The following MCU variants were observed in gnomAD, a reference collection of about 807,000 sequenced individuals.
The protein encoded by MCU is mitochondrial calcium uniporter.
A neutral mutation model predicts 45.2 loss-of-function variants in MCU; 12 were observed. The ratio of observed to expected loss-of-function variants is 0.27; its 90% CI spans 0.17 to 0.43. MCU has a LOEUF of 0.43. Ranked by LOEUF, MCU falls within the 20% of genes least tolerant of loss-of-function variation. The pLI is 1.00. For synonymous variants in MCU, 160 were observed against 165.1 expected (o/e 0.97, Z 0.24); for missense variants, 324 against 436.7 (o/e 0.74, Z 2.30).
intron 1 of MCU, among the ~76,000 whole-genome samples, chr10:72,704,265 G>A (rs1349358353): frequency 6.6e-6 from 1 of 152,092 alleles, no homozygotes; most frequent in Non-Finnish European, 1.5e-5. Flanking sequence ...AGAGAAGAGA[G>A]ATTTAAGAAG....
intron 1 of MCU, among the ~76,000 whole-genome samples, chr10:72,790,350 C>T (rs1844140338): frequency 6.6e-6 from 1 of 152,192 alleles, no homozygotes; most frequent in African/African-American, 2.4e-5. Flanking sequence ...AGTGCCTTCC[C>T]TCTTCCTTCT....
chr10:72,874,568 T>C (rs1845592200), intron 6 of MCU, among the ~76,000 whole-genome samples: 1 of 152,192 alleles, frequency 6.6e-6, no homozygotes, highest in South Asian at 2.1e-4. Flanking sequence ...AGAATGTTAT[T>C]TAACTTTTCT....
At position 72,834,502 on chromosome 10, in the gene MCU, A is replaced by G; in HGVS notation, c.220+74A>G. The G allele has an allele frequency of 1.6e-6, 2 of 1,289,026 alleles. 1 individual carries two copies. Among genetic ancestry groups the G allele is most frequent in the South Asian group, 2.6e-5 (2 of 77,626 alleles). 79.8% of individuals were successfully genotyped at this position (1,289,026 alleles called of 1,614,324 possible). On this transcript the variant is annotated intron_variant, in intron 2 of 7. Coordinates refer to ENST00000373053, the MANE Select transcript of MCU (RefSeq NM_138357.3). Reference sequence around the variant, plus strand: ...AGCTCAGTGTTTCCTATTCTCTGACACAAAAATTTATAAACCATACTCTTT... The same window carrying G: ...AGCTCAGTGTTTCCTATTCTCTGACGCAAAAATTTATAAACCATACTCTTT...
rs983828355 is a variant in MCU at position 72,834,413 on chromosome 10, G to T, written c.205G>T (p.Val69Phe). 1 of 1,613,616 alleles carries T rather than the reference G, an allele frequency of 6.2e-7. No individual in the cohort carries two copies. The highest frequency in any genetic ancestry group is 1.3e-5 in the African/African-American group (1 of 75,036). ...QNLGAVYCST[V>F]VPSDDVTVVY... is the part of the protein sequence containing the mutation. ...TTTGGGAGCTGTTTATTGCAGCACT[G>T]TTGTGCCCTCTGATGGTGAGTTTCA... Residue 69 changes from valine to phenylalanine, a missense_variant, in exon 2 of 8, where the codon GTT (valine) becomes TTT (phenylalanine). Coordinates refer to ENST00000373053, the MANE Select transcript of MCU (RefSeq NM_138357.3).
intron 1 of MCU, among the ~76,000 whole-genome samples, chr10:72,753,385 A>G (rs1040070885): frequency 1.3e-5 from 2 of 152,226 alleles, no homozygotes; most frequent in Admixed American, 6.5e-5. Flanking sequence ...ATTGTACAAT[A>G]TAGTTTATAA....
rs762108402 is a variant in MCU at position 72,868,857 on chromosome 10, G to A, written c.651G>A (p.Leu217=). The part of the protein sequence containing the change: ...LEDLKEQLAP[L]EKVRIEISRK... ...ATCTCAAAGAGCAGCTGGCTCCCCT[G>A]GAAAAGGTAAAACTTCCAATCTCAG... is the stretch of plus-strand genomic sequence containing the variant. The change falls in exon 5 of 8, where the codon CTG becomes CTA. Residue 217 remains leucine (L), a synonymous_variant. Transcript: ENST00000373053. The A allele has an allele frequency of 1.2e-6, 2 of 1,612,734 alleles. No individual in the cohort carries two copies. The highest frequency in any genetic ancestry group is 1.7e-6 in the Non-Finnish European group (2 of 1,179,596).
At chr10:72,751,341 C>CTTCTTTTTTTTTTTTTTTTTTTTTT (rs1474252109) in intron 1 of MCU, among the ~76,000 whole-genome samples, 3 of 44,742 alleles carry the variant, frequency 6.7e-5, no homozygotes, top group African/African-American at 2.5e-4. Context: ...TCTTCTTCTT[C>CTTCTTTTTTTTTTTTTTTTTTTTTT]TTTTTTTTTT....
At chr10:72,826,563 A>G (rs1205386200) in intron 1 of MCU, among the ~76,000 whole-genome samples, 1 of 152,222 alleles carries the variant, frequency 6.6e-6, no homozygotes, top group Admixed American at 6.5e-5. Context: ...GGAAATATGA[A>G]TTCAGGTGAT....
chr10:72,875,096 A>G (rs940482076), intron 6 of MCU, among the ~76,000 whole-genome samples: 1 of 152,198 alleles, frequency 6.6e-6, no homozygotes, highest in Non-Finnish European at 1.5e-5. Context: ...GAGGATAAGT[A>G]ATCTGCCCAA....
chr10:72,767,017 C>T (rs1843737115), intron 1 of MCU: 1 of 152,030 alleles, frequency 6.6e-6, no homozygotes, highest in African/African-American at 2.4e-5. Flanking sequence ...TGACTTCTAC[C>T]ACAATAAAAT....
At chr10:72,712,170 AT>A (rs1842903327) in intron 1 of MCU, 1 of 152,190 alleles carries the variant, frequency 6.6e-6, no homozygotes, top group South Asian at 2.1e-4. Flanking sequence ...TTTGCTGAAT[AT>A]TCTGGGGGAC....
At chr10:72,763,863 CAGAA>C (rs1328540291) in intron 1 of MCU, among the ~76,000 whole-genome samples, 3 of 152,056 alleles carry the variant, frequency 2.0e-5, no homozygotes, top group South Asian at 2.1e-4. Context: ...TAGGAAAATA[CAGAA>C]AGAAAGCTAT....
chr10:72,852,208 A>G (rs1845217905), intron 2 of MCU, among the ~76,000 whole-genome samples: 2 of 152,368 alleles, frequency 1.3e-5, no homozygotes, highest in Admixed American at 1.3e-4. Flanking sequence ...TGACTTCAGG[A>G]AACAGTAGAT....
chr10:72,887,499 T>C lies in MCU; in HGVS notation c.*1677T>C, dbSNP rs1845792761. The C allele has an allele frequency of 6.5e-6, 1 of 152,754 alleles. No homozygotes were observed. The highest frequency in any genetic ancestry group is 2.4e-5 in the African/African-American group (1 of 41,432). The allele number at this position is 152,754 out of a possible 1,614,324, so 9.5% of individuals were successfully genotyped here. A position where few individuals can be genotyped will look rare whatever the true frequency, so the allele number is the denominator to read the frequency against. ...CATTTATCCTGTTTGTGCATAGGGT[T>C]TTTAAGAAGAAACAGCACAGTGCAA... On this transcript the variant is annotated 3_prime_UTR_variant, in exon 8 of 8. Coordinates refer to ENST00000373053, the MANE Select transcript of MCU (RefSeq NM_138357.3).
At chr10:72,761,953 A>G (rs1005864670) in intron 1 of MCU, among the ~76,000 whole-genome samples, 5 of 152,268 alleles carry the variant, frequency 3.3e-5, no homozygotes, top group South Asian at 2.1e-4. Flanking sequence ...TTTTAGTTCT[A>G]TCAGTTCCAA....
intron 4 of MCU, among the ~76,000 whole-genome samples, chr10:72,867,577 G>A (rs1281619005): frequency 2.6e-5 from 4 of 152,064 alleles, no homozygotes; most frequent in Admixed American, 2.0e-4. Context: ...GAATGGGCCG[G>A]GTGCGGTGGC....
chr10:72,710,685 A>C (rs1251213698), intron 1 of MCU, among the ~76,000 whole-genome samples: 1 of 151,810 alleles, frequency 6.6e-6, no homozygotes, highest in Admixed American at 6.6e-5. Flanking sequence ...AAAAAGTAGA[A>C]TAATATAATA....
chr10:72,715,635 A>T (rs1354720805), intron 1 of MCU, among the ~76,000 whole-genome samples: 1 of 152,184 alleles, frequency 6.6e-6, no homozygotes, highest in Non-Finnish European at 1.5e-5. Flanking sequence ...AGGAAAGCCA[A>T]TTACCTTGGC....
Position 72,877,021 on chromosome 10 carries a change from A to T in MCU, c.861+5441A>T, listed in dbSNP as rs1845628787. On this transcript the variant is annotated intron_variant, in intron 6 of 7. Transcript: ENST00000373053. ...ACTGAAGCATCTACCTCTCAGACCC[A>T]AGCAATTCTCCCACCTCAGCCTCAT... 2.0e-5 allele frequency among the ~76,000 whole-genome samples: 3 copies of T among 150,982 alleles called. No homozygotes were observed. In the Admixed American group the frequency reaches 2.0e-4, roughly 10 times the overall value.
Sources: gnomAD v4.1 joint callset for allele counts (sites outside exome capture counted in the v4.1 genomes callset) on GRCh38, gnomAD v4.1.1 for gene constraint, MANE v1.5 for transcripts, NCBI Gene and HGNC (gene_info 2026-07-23, HGNC 2026-07-21) for gene names.